Variants in KIF27 observed in about 807,000 individuals in gnomAD.
KIF27 encodes kinesin family member 27.
KIF27 carries 84 observed loss-of-function variants against 141.8 expected under a neutral mutation model. The ratio of observed to expected loss-of-function variants is 0.59; its 90% CI spans 0.50 to 0.71. The LOEUF (loss-of-function observed/expected upper bound fraction) is 0.71, where lower values mean the gene tolerates loss of function less well. KIF27 is among the 30% of genes least tolerant of loss of function. KIF27 has a pLI of 0.00. For missense variants in KIF27, 1,306 were observed against 1,628.4 expected (o/e 0.80, Z 3.41); for synonymous variants, 471 against 569.5 (o/e 0.83, Z 2.46).
At chr9:83,877,879 A>G (rs1588132196) in intron 11 of KIF27, among the ~76,000 whole-genome samples, 1 of 152,164 alleles carries the variant, frequency 6.6e-6, no homozygotes, top group East Asian at 1.9e-4. Context: ...AGATTTATGA[A>G]CAGCCAATAA....
chr9:83,916,315 A>C (rs1955678348), intron 1 of KIF27, among the ~76,000 whole-genome samples: 1 of 152,194 alleles, frequency 6.6e-6, no homozygotes, highest in African/African-American at 2.4e-5. Context: ...TACAGGCGTG[A>C]GCCACCGTGC....
At chr9:83,883,416 G>A (rs1381527781) in intron 10 of KIF27, among the ~76,000 whole-genome samples, 2 of 152,176 alleles carry the variant, frequency 1.3e-5, no homozygotes, top group Non-Finnish European at 2.9e-5. Flanking sequence ...CCTTTCTTAA[G>A]CCAATCAGTT....
At chr9:83,902,984 ATG>A in intron 4 of KIF27, 74 bp downstream of exon 4, 1 of 873,968 alleles carries the variant, frequency 1.1e-6, no homozygotes, top group Admixed American at 2.8e-5. Context: ...ATGTTAACAC[ATG>A]TACCCCCAAA....
chr9:83,893,332 G>A (rs528094364), intron 5 of KIF27, among the ~76,000 whole-genome samples: 1 of 152,244 alleles, frequency 6.6e-6, no homozygotes, highest in South Asian at 2.1e-4. Context: ...AGGATTAACA[G>A]TGCCCAATGA....
At position 83,915,577 on chromosome 9, in the gene KIF27, T is replaced by G; in HGVS notation, c.15A>C (p.Pro5=). The G allele has an allele frequency of 1.2e-6, 2 of 1,603,148 alleles. No individual in the cohort carries two copies. Among genetic ancestry groups the G allele is most frequent in the Non-Finnish European group, 1.7e-6 (2 of 1,175,474 alleles). Reference sequence around the variant, plus strand: ...GTCTAATTCTTACAGCAACTTTTACTGGTATTTCTTCCATGGCAACTTAGA... The same window carrying G: ...GTCTAATTCTTACAGCAACTTTTACGGGTATTTCTTCCATGGCAACTTAGA... The part of the protein sequence containing the change: MEEI[P]VKVAVRIRPL... The change falls in exon 2 of 18, where the codon CCA becomes CCC. Residue 5 remains proline, a synonymous_variant. Transcript: ENST00000297814.
At chr9:83,908,358 T>A in intron 3 of KIF27, 94 bp downstream of exon 3, 1 of 662,506 alleles carries the variant, frequency 1.5e-6, no homozygotes. Context: ...CATCTGTTTT[T>A]AAAGATTCCT....
At position 83,861,627 on chromosome 9, in the gene KIF27, C is replaced by T. The variant is rs541615261; in HGVS notation, c.2935-2256G>A. 1.7e-3 allele frequency among the ~76,000 whole-genome samples: 261 copies of T among 151,858 alleles called. 1 individual carries two copies. Among genetic ancestry groups the T allele is most frequent in the African/African-American group, 5.9e-3 (242 of 41,348 alleles). ...CAAGTCTTGCTATTGTGAATAGTGC[C>T]ACAATAAACATATGTGTGCATGTGT... On this transcript the variant is annotated intron_variant, in intron 13 of 17. Transcript: ENST00000297814.
At chr9:83,845,013 A>G (rs1234871252) in intron 16 of KIF27, among the ~76,000 whole-genome samples, 1 of 152,186 alleles carries the variant, frequency 6.6e-6, no homozygotes, top group African/African-American at 2.4e-5. Context: ...AGGCTCTGCA[A>G]TAGGTCCAGG....
chr9:83,876,881 G>A (rs1170977164), intron 11 of KIF27, among the ~76,000 whole-genome samples: 1 of 152,120 alleles, frequency 6.6e-6, no homozygotes. Context: ...TTCAAAACCA[G>A]CCTGGGAAAT....
chr9:83,913,444 CT>C (rs879616937), intron 2 of KIF27, among the ~76,000 whole-genome samples: 83 of 146,622 alleles, frequency 5.7e-4, no homozygotes, highest in Non-Finnish European at 6.0e-4. Context: ...ATAAATCCAA[CT>C]TTTTTTTTTT....
intron 13 of KIF27, chr9:83,859,656 C>T (rs545096405): frequency 3.1e-5 from 10 of 323,100 alleles, no homozygotes; most frequent in African/African-American, 1.7e-4. Flanking sequence ...TTCAGCCTCC[C>T]TGGTTGCTGG....
chr9:83,848,116 G>C (rs1472972985), intron 16 of KIF27, among the ~76,000 whole-genome samples: 1 of 47,800 alleles, frequency 2.1e-5, no homozygotes, highest in Non-Finnish European at 3.7e-5. Context: ...TCTCATATCT[G>C]ATATATCTGA....
In KIF27 at chr9:83,848,318, T is replaced by TATATGATATATATGATATATCAG. The variant is rs1564287838; in HGVS notation, c.3556+1780_3556+1781insCTGATATATCATATATATCATAT. 9.3e-5 allele frequency among the ~76,000 whole-genome samples: 10 copies of TATATGATATATATGATATATCAG among 107,092 alleles called. 1 individual carries two copies. The South Asian group carries it at 1.4e-3, about 15-fold the overall frequency. 70.3% of individuals were successfully genotyped at this position (107,092 alleles called of 152,430 possible). ...CAGATATGATATATATGATATATCA[T>TATATGATATATATGATATATCAG]ATATCTATATATCTATATATATCTA... On this transcript the variant is annotated intron_variant, in intron 16 of 17. Coordinates refer to ENST00000297814, the MANE Select transcript of KIF27 (RefSeq NM_017576.4).
chr9:83,903,629 T>C lies in KIF27; in HGVS notation c.889A>G (p.Lys297Glu). 1 of 1,614,178 alleles carries C rather than the reference T, an allele frequency of 6.2e-7. No individual in the cohort carries two copies. The highest frequency in any genetic ancestry group is 8.5e-7 in the Non-Finnish European group (1 of 1,180,026). ...KSSHIPYRDA[K>E]ITRLLKDSLG... ...GAATCTTTCAGAAGCCGGGTAATTT[T>C]AGCATCCCTATATGGAATATGTGAA... is the stretch of plus-strand genomic sequence containing the variant. The change falls in exon 4 of 18, where the codon AAA becomes GAA. Residue 297 changes from lysine to glutamate, a missense_variant. Transcript: ENST00000297814.
chr9:83,899,903 A>G (rs1953684705), intron 4 of KIF27, 99 bp from the exon 5 acceptor site: 3 of 966,924 alleles, frequency 3.1e-6, no homozygotes, highest in Non-Finnish European at 4.4e-6. Flanking sequence ...TAGCTTGATG[A>G]TGTCTCATAA....
chr9:83,865,028 GTAT>G lies in KIF27; in HGVS notation c.2934+2653_2934+2655del, dbSNP rs1032788788. On this transcript the variant is annotated intron_variant, in intron 13 of 17. Coordinates refer to ENST00000297814, the MANE Select transcript of KIF27 (RefSeq NM_017576.4). ...CCTTTTTTTGTTTTCCATTTGCTTG[GTAT>G]ATCTTCCTCCATCCCTTTATTTTGA... is the stretch of plus-strand genomic sequence containing the variant. Among the ~76,000 whole-genome samples the G allele has an allele frequency of 1.2e-3, 189 of 152,092 alleles. 1 individual carries two copies. Among genetic ancestry groups the G allele is most frequent in the African/African-American group, 4.4e-3 (184 of 41,492 alleles).
chr9:83,919,050 T>C (rs1359230600), intron 1 of KIF27, among the ~76,000 whole-genome samples: 1 of 152,092 alleles, frequency 6.6e-6, no homozygotes, highest in Non-Finnish European at 1.5e-5. Context: ...CACTCCATCC[T>C]GGGCGATACA....
chr9:83,856,377 C>A (rs531549546), intron 14 of KIF27, among the ~76,000 whole-genome samples: 1 of 151,938 alleles, frequency 6.6e-6, no homozygotes, highest in Non-Finnish European at 1.5e-5. Context: ...GAGGCTGAGG[C>A]GGGTGGATCA....
chr9:83,848,169 CTGATATATCATATATGATATATA>C lies in KIF27; in HGVS notation c.3556+1907_3556+1929del, dbSNP rs1564284949. Among the ~76,000 whole-genome samples the C allele has an allele frequency of 2.5e-3, 150 of 60,576 alleles. 10 individuals are homozygous for C. The highest frequency in any genetic ancestry group is 3.1e-3 in the African/African-American group (45 of 14,334). 39.7% of individuals were successfully genotyped at this position (60,576 alleles called of 152,430 possible). A position where few individuals can be genotyped will look rare whatever the true frequency, so the allele number is the denominator to read the frequency against. On this transcript the variant is annotated intron_variant, in intron 16 of 17. Coordinates refer to ENST00000297814, the MANE Select transcript of KIF27 (RefSeq NM_017576.4). ...ATCTGATATATCATATATGATATAT[CTGATATATCATATATGATATATA>C]TGATATATCAGATATGATATATATG... is the stretch of plus-strand genomic sequence containing the variant.
Sources: gnomAD v4.1 joint callset for allele counts (sites outside exome capture counted in the v4.1 genomes callset) on GRCh38, gnomAD v4.1.1 for gene constraint, MANE v1.5 for transcripts, NCBI Gene and HGNC (gene_info 2026-07-23, HGNC 2026-07-21) for gene names.